Variants in FAM185A observed in about 807,000 individuals in gnomAD.
FAM185A encodes the protein protein FAM185A.
FAM185A carries 21 observed loss-of-function variants against 45.7 expected under a neutral mutation model. That is an observed-to-expected ratio of 0.46 (90% CI 0.33 to 0.66). The LOEUF is 0.66. Among genes scored for constraint, FAM185A ranks in the 30% least tolerant of loss-of-function variants. FAM185A has a pLI of 0.03. For missense variants in FAM185A, 305 were observed against 485.4 expected, an observed-to-expected ratio of 0.63 and a Z score of 3.49; for synonymous variants, 117 against 194.0, an observed-to-expected ratio of 0.60 and a Z score of 3.30.
At chr7:102,843,181 C>T in the FAM185A span, among the ~76,000 whole-genome samples, 1 of 152,226 alleles carries the variant, frequency 6.6e-6, no homozygotes, top group Non-Finnish European at 1.5e-5. Context: ...TGGTGGCTCA[C>T]ACCTGTAACC....
chr7:102,837,534 A>G, the FAM185A span, among the ~76,000 whole-genome samples: 222 of 152,358 alleles, frequency 1.5e-3, 2 homozygotes, highest in African/African-American at 5.2e-3. Flanking sequence ...TCTCTGTGGA[A>G]GAGATGCGCT....
chr7:102,824,470 A>G, the FAM185A span, among the ~76,000 whole-genome samples: 1 of 151,980 alleles, frequency 6.6e-6, no homozygotes, highest in South Asian at 2.1e-4. Flanking sequence ...AAATACAGTA[A>G]TTACATTTAT....
chr7:102,807,226 A>G (rs1483242279), intron 7 of FAM185A, among the ~76,000 whole-genome samples: 1 of 152,118 alleles, frequency 6.6e-6, no homozygotes, highest in African/African-American at 2.4e-5. Flanking sequence ...CATGAGGGAA[A>G]GACTGTACTT....
intron 2 of FAM185A, among the ~76,000 whole-genome samples, chr7:102,754,548 A>T (rs1191957812): frequency 2.0e-5 from 3 of 152,290 alleles, no homozygotes; most frequent in African/African-American, 7.2e-5. Flanking sequence ...TGTACCAGGA[A>T]TCTTAGCTAA....
intron 3 of FAM185A, among the ~76,000 whole-genome samples, chr7:102,760,996 TA>T (rs1794078005): frequency 6.6e-6 from 1 of 152,106 alleles, no homozygotes; most frequent in South Asian, 2.1e-4. Context: ...ATAAATCTAA[TA>T]AAAGATTAAG....
At chr7:102,810,510 G>A (rs1797369263), downstream of FAM185A, among the ~76,000 whole-genome samples, 1 of 152,156 alleles carries the variant, frequency 6.6e-6, no homozygotes, top group Admixed American at 6.6e-5. Context: ...GGGATTACAG[G>A]TGTGAGCCAC....
intron 1 of FAM185A, among the ~76,000 whole-genome samples, chr7:102,750,916 T>C (rs1793325367): frequency 6.6e-6 from 1 of 152,160 alleles, no homozygotes; most frequent in Admixed American, 6.5e-5. Context: ...TTTGTTTGTT[T>C]TGGTTTTTTT....
intron 7 of FAM185A, among the ~76,000 whole-genome samples, chr7:102,799,566 G>A (rs1240079781): frequency 6.6e-6 from 1 of 152,214 alleles, no homozygotes; most frequent in Non-Finnish European, 1.5e-5. Context: ...TGTATTTTGT[G>A]TGCTTGGATT....
chr7:102,822,175 G>T, the FAM185A span: 1 of 1,614,080 alleles, frequency 6.2e-7, no homozygotes, highest in Admixed American at 1.7e-5. Context: ...GCATTTTGCC[G>T]ATAACATCTC....
the FAM185A span, among the ~76,000 whole-genome samples, chr7:102,817,477 G>A: frequency 2.7e-5 from 4 of 150,738 alleles, no homozygotes; most frequent in African/African-American, 7.5e-5. Flanking sequence ...TTGTTGATTT[G>A]TTTAAGTTCT....
chr7:102,773,285 C>T (rs894928948), intron 5 of FAM185A, among the ~76,000 whole-genome samples: 12 of 150,780 alleles, frequency 8.0e-5, no homozygotes, highest in African/African-American at 2.9e-4. Context: ...GATCTTAGGA[C>T]CTTGTAGACA....
intron 3 of FAM185A, among the ~76,000 whole-genome samples, chr7:102,760,885 T>C (rs1051890120): frequency 1.3e-5 from 2 of 152,234 alleles, no homozygotes; most frequent in East Asian, 3.8e-4. Context: ...TTAGTGACTT[T>C]AGTGAAGTTG....
At chr7:102,831,304 G>A in the FAM185A span, among the ~76,000 whole-genome samples, 1 of 152,000 alleles carries the variant, frequency 6.6e-6, no homozygotes, top group Non-Finnish European at 1.5e-5. Flanking sequence ...CAGAGAACAT[G>A]TGGTAAGGTC....
the FAM185A span, among the ~76,000 whole-genome samples, chr7:102,834,086 A>AAGGAAGGAAGGG: frequency 1.1e-5 from 1 of 93,694 alleles, no homozygotes. Context: ...GGAAGGAAAG[A>AAGGAAGGAAGGG]AAAGAAAGAA....
At chr7:102,782,168 ATC>A (rs1795453235) in intron 6 of FAM185A, among the ~76,000 whole-genome samples, 1 of 151,908 alleles carries the variant, frequency 6.6e-6, no homozygotes, top group Non-Finnish European at 1.5e-5. Context: ...CCAAATCTAC[ATC>A]TGATTGGTGT....
chr7:102,774,591 G>A (rs1414446053), intron 5 of FAM185A, among the ~76,000 whole-genome samples: 1 of 152,070 alleles, frequency 6.6e-6, no homozygotes, highest in Admixed American at 6.6e-5. Context: ...CAGATTGGGA[G>A]AGTAATCTTT....
chr7:102,754,231 C>T (rs1401556104), intron 2 of FAM185A, among the ~76,000 whole-genome samples: 4 of 151,324 alleles, frequency 2.6e-5, no homozygotes, highest in Non-Finnish European at 4.4e-5. Context: ...GGCGGAGTCT[C>T]ACTCTGTTGC....
chr7:102,838,874 T>C, the FAM185A span, among the ~76,000 whole-genome samples: 1 of 152,146 alleles, frequency 6.6e-6, no homozygotes, highest in African/African-American at 2.4e-5. Context: ...TAGTCTGAAA[T>C]ATGGCCTCGT....
intron 6 of FAM185A, among the ~76,000 whole-genome samples, chr7:102,779,085 C>T (rs945770145): frequency 4.6e-5 from 7 of 152,196 alleles, no homozygotes; most frequent in African/African-American, 1.7e-4. Context: ...TTCTACTTAA[C>T]ATTTTGTCCT....
Sources: gnomAD v4.1 joint callset for allele counts (sites outside exome capture counted in the v4.1 genomes callset) on GRCh38, gnomAD v4.1.1 for gene constraint, MANE v1.5 for transcripts, NCBI Gene and HGNC (gene_info 2026-07-23, HGNC 2026-07-21) for gene names.